SLCO6A1: variants seen among roughly 807,000 people sequenced by gnomAD.
SLCO6A1 encodes cancer/testis antigen 48.
SLCO6A1 carries 65 observed loss-of-function variants against 72.7 expected under a neutral mutation model. That is an observed-to-expected ratio of 0.89 (90% CI 0.73 to 1.10). The LOEUF is 1.10. Among genes scored for constraint, SLCO6A1 ranks in the 50% least tolerant of loss-of-function variants. The pLI, the probability that SLCO6A1 is intolerant of heterozygous loss-of-function variation, is 0.00. For synonymous variants in SLCO6A1, 314 were observed against 298.2 expected, an observed-to-expected ratio of 1.05 and a Z score of -0.55; for missense variants, 874 against 872.6, an observed-to-expected ratio of 1.00 and a Z score of -0.02.
intron 10 of SLCO6A1, among the ~76,000 whole-genome samples, chr5:102,394,293 C>A (rs903926530): frequency 6.6e-5 from 10 of 152,002 alleles, no homozygotes; most frequent in Non-Finnish European, 1.2e-4. Flanking sequence ...TATTTAATGT[C>A]TTTAGCTTTG....
At chr5:102,486,015 C>G (rs1240321777) in intron 1 of SLCO6A1, among the ~76,000 whole-genome samples, 1 of 152,072 alleles carries the variant, frequency 6.6e-6, no homozygotes, top group Admixed American at 6.6e-5. Context: ...CTATTTCAAC[C>G]AAAATATTTC....
chr5:102,433,088 T>G (rs528712898), intron 7 of SLCO6A1, among the ~76,000 whole-genome samples: 124 of 152,346 alleles, frequency 8.1e-4, no homozygotes, highest in African/African-American at 2.8e-3. Flanking sequence ...GATTGCATTA[T>G]GAAATTCTCA....
chr5:102,471,217 T>C (rs1383183265), intron 4 of SLCO6A1, among the ~76,000 whole-genome samples: 1 of 152,034 alleles, frequency 6.6e-6, no homozygotes, highest in African/African-American at 2.4e-5. Context: ...AAATACCTTC[T>C]TCATGCACCC....
chr5:102,420,264 G>C (rs532746137), intron 7 of SLCO6A1, among the ~76,000 whole-genome samples: 3 of 152,178 alleles, frequency 2.0e-5, no homozygotes, highest in Non-Finnish European at 4.4e-5. Context: ...TGAAGTTTTG[G>C]TCCTTTATAG....
intron 4 of SLCO6A1, among the ~76,000 whole-genome samples, chr5:102,461,531 A>T (rs987899560): frequency 6.6e-6 from 1 of 152,162 alleles, no homozygotes; most frequent in African/African-American, 2.4e-5. Flanking sequence ...ATAAAGCTTT[A>T]GTAACTAAAA....
intron 7 of SLCO6A1, among the ~76,000 whole-genome samples, chr5:102,424,723 A>G (rs1316370798): frequency 1.3e-5 from 2 of 152,186 alleles, no homozygotes; most frequent in Non-Finnish European, 2.9e-5. Flanking sequence ...TCCTTCTGAA[A>G]CTATTCCAAA....
chr5:102,446,569 C>A (rs1278998780), intron 6 of SLCO6A1, among the ~76,000 whole-genome samples: 4 of 152,152 alleles, frequency 2.6e-5, no homozygotes. Flanking sequence ...CTTTCTCTTG[C>A]TCTGGCCAGG....
intron 12 of SLCO6A1, among the ~76,000 whole-genome samples, chr5:102,374,684 C>T (rs1561407458): frequency 6.6e-6 from 1 of 151,928 alleles, no homozygotes; most frequent in Admixed American, 6.6e-5. Flanking sequence ...GGAAAAATAC[C>T]ATTTTTAAAT....
chr5:102,429,697 GT>G (rs899583529), intron 7 of SLCO6A1, among the ~76,000 whole-genome samples: 10 of 152,112 alleles, frequency 6.6e-5, no homozygotes, highest in Non-Finnish European at 1.5e-4. Context: ...TGCTGTTTTG[GT>G]TACTGTAGCC....
chr5:102,460,914 A>C (rs1241453464), intron 4 of SLCO6A1, among the ~76,000 whole-genome samples: 1 of 6,816 alleles, frequency 1.5e-4, no homozygotes, highest in African/African-American at 5.9e-4. Flanking sequence ...ATATATATAT[A>C]TATATATATA....
intron 10 of SLCO6A1, among the ~76,000 whole-genome samples, chr5:102,397,719 T>C (rs1391593412): frequency 6.6e-6 from 1 of 152,190 alleles, no homozygotes; most frequent in East Asian, 1.9e-4. Context: ...TGTCAGTCCT[T>C]GGGTCCTCTG....
At chr5:102,424,095 C>A (rs923980047) in intron 7 of SLCO6A1, among the ~76,000 whole-genome samples, 3 of 151,918 alleles carry the variant, frequency 2.0e-5, no homozygotes, top group African/African-American at 4.8e-5. Context: ...GACAAGGTAC[C>A]AGAATCTCTG....
chr5:102,430,435 T>C (rs1749151195), intron 7 of SLCO6A1, among the ~76,000 whole-genome samples: 1 of 152,182 alleles, frequency 6.6e-6, no homozygotes, highest in South Asian at 2.1e-4. Context: ...GGCTGTGGGT[T>C]TGTCATAGAT....
rs1751062478 is a variant in SLCO6A1 at position 102,461,974 on chromosome 5, A to C, written c.900-2197T>G. Among the ~76,000 whole-genome samples, 5 of 152,096 alleles carry C rather than the reference A, an allele frequency of 3.3e-5. No individual in the cohort carries two copies. In the South Asian group the frequency reaches 1.0e-3, roughly 32 times the overall value. On this transcript the variant is annotated intron_variant, in intron 4 of 13. Transcript: ENST00000506729. ...AATGATATGATTATATAGCTAGAAA[A>C]CCATAAAGACCCATCCAAAAATCTC...
In SLCO6A1 at chr5:102,420,113, A is replaced by C. The variant is rs529744513; in HGVS notation, c.1277-92T>G. On this transcript the variant is annotated intron_variant, in intron 7 of 13. Transcript: ENST00000506729. ...TGATACAATTTCCTTTGCTCTAAAC[A>C]TATAGCAAACATGTATTTAAACTAA... 1.7e-4 allele frequency: 173 copies of C among 1,039,138 alleles called. No homozygotes were observed. The South Asian group carries it at 3.2e-3, about 19-fold the overall frequency. 64.4% of individuals were successfully genotyped at this position (1,039,138 alleles called of 1,614,324 possible). A position where few individuals can be genotyped will look rare whatever the true frequency, so the allele number is the denominator to read the frequency against.
chr5:102,482,881 T>G (rs1752279118), intron 1 of SLCO6A1, among the ~76,000 whole-genome samples: 1 of 152,194 alleles, frequency 6.6e-6, no homozygotes, highest in African/African-American at 2.4e-5. Context: ...CAGAACTATA[T>G]AATACCTGCC....
chr5:102,406,696 TG>T (rs1747687882), intron 9 of SLCO6A1, among the ~76,000 whole-genome samples: 2 of 151,924 alleles, frequency 1.3e-5, no homozygotes, highest in Admixed American at 6.6e-5. Context: ...AGGAGACAAA[TG>T]AATAACATAG....
At position 102,388,836 on chromosome 5, in the gene SLCO6A1, T is replaced by A; in HGVS notation, c.1880-11A>T. 2 of 1,587,746 alleles carry A rather than the reference T, an allele frequency of 1.3e-6. No homozygotes were observed. The highest frequency in any genetic ancestry group is 1.7e-6 in the Non-Finnish European group (2 of 1,172,488). ...GTCCAGGAATAGTCCCTATGAAAAA[T>A]GCAATGATTGTAAATTCTTTGTGAA... On this transcript the variant is annotated splice_polypyrimidine_tract_variant and intron_variant, in intron 11 of 13. Transcript: ENST00000506729.
intron 12 of SLCO6A1, among the ~76,000 whole-genome samples, chr5:102,378,620 C>T (rs902994972): frequency 2.6e-5 from 4 of 152,062 alleles, no homozygotes; most frequent in African/African-American, 9.7e-5. Context: ...TATATAGGGC[C>T]TACATACTCA....
Sources: allele counts gnomAD v4.1 joint callset (sites outside exome capture counted in the v4.1 genomes callset), GRCh38; gene constraint gnomAD v4.1.1; transcripts MANE v1.5; gene names NCBI Gene and HGNC (gene_info 2026-07-23, HGNC 2026-07-21).